PDE4D: variants seen among roughly 807,000 people sequenced by gnomAD.
PDE4D encodes 3',5'-cyclic-AMP phosphodiesterase 4D.
PDE4D carries 24 observed loss-of-function variants against 87.4 expected under a neutral mutation model. The observed-to-expected ratio is 0.27, with a 90% CI of 0.20 to 0.39. The LOEUF (loss-of-function observed/expected upper bound fraction) is 0.39, where lower values mean the gene tolerates loss of function less well. Ranked by LOEUF, PDE4D falls within the 10% of genes least tolerant of loss-of-function variation. PDE4D has a pLI of 1.00. For missense variants in PDE4D, 714 were observed against 1,041.0 expected (o/e 0.69, Z 4.32); for synonymous variants, 384 against 383.2 (o/e 1.00, Z -0.02).
chr5:59,161,484 A>G (rs1781087861), intron 5 of PDE4D, among the ~76,000 whole-genome samples: 1 of 152,180 alleles, frequency 6.6e-6, no homozygotes, highest in Admixed American at 6.5e-5. Flanking sequence ...TGTGGAGACC[A>G]AAGGTTTATT....
intron 1 of PDE4D, among the ~76,000 whole-genome samples, chr5:59,825,323 A>G (rs573247420): frequency 1.3e-5 from 2 of 152,368 alleles, no homozygotes; most frequent in African/African-American, 4.8e-5. Flanking sequence ...CTGAAGAACC[A>G]TCTCAGAGTT....
At chr5:59,724,065 AT>A (rs1190638255) in intron 1 of PDE4D, among the ~76,000 whole-genome samples, 11 of 152,092 alleles carry the variant, frequency 7.2e-5, no homozygotes, top group Admixed American at 7.2e-4. Context: ...AAATTGAGGG[AT>A]TGAGGGATGG....
intron 1 of PDE4D, among the ~76,000 whole-genome samples, chr5:60,442,358 C>T (rs191816017): frequency 5.7e-4 from 86 of 152,106 alleles, no homozygotes; most frequent in African/African-American, 2.0e-3. Flanking sequence ...CCAAACACCA[C>T]GTGTTTTCAC....
rs561481970 is a variant in PDE4D, at chr5:59,339,106, T to C, written c.456-123138A>G. 4.9e-4 allele frequency among the ~76,000 whole-genome samples: 74 copies of C among 152,300 alleles called. No homozygotes were observed. In the South Asian group the frequency reaches 8.9e-3, roughly 18 times the overall value. On this transcript the variant is annotated intron_variant, in intron 1 of 14. Coordinates refer to ENST00000340635, the MANE Select transcript of PDE4D (RefSeq NM_001104631.2). ...TAGAAGCCAAGCCCTACCTTTGTCC[T>C]ACACAAAAAGAGACCTAGACTGTGA...
rs141883373 is a variant in PDE4D at position 59,206,170 on chromosome 5, C to T, written c.647+9607G>A. Among the ~76,000 whole-genome samples, 307 of 152,216 alleles carry T rather than the reference C, an allele frequency of 2.0e-3. 1 individual carries two copies. The highest frequency in any genetic ancestry group is 7.1e-3 in the African/African-American group (294 of 41,536). ...CCTAGGAGATGCTGCAGTAGGCAGACGGAATAATTGGGGTTGTTTCCTCTG... is the reference window on the plus strand; with the variant it reads ...CCTAGGAGATGCTGCAGTAGGCAGATGGAATAATTGGGGTTGTTTCCTCTG... On this transcript the variant is annotated intron_variant, in intron 2 of 14. Coordinates refer to ENST00000340635, the MANE Select transcript of PDE4D (RefSeq NM_001104631.2).
chr5:59,627,231 T>C (rs117675215), intron 1 of PDE4D, among the ~76,000 whole-genome samples: 1 of 152,202 alleles, frequency 6.6e-6, no homozygotes, highest in Non-Finnish European at 1.5e-5. Context: ...TGGATGGTGA[T>C]AAGTTTGAAG....
intron 1 of PDE4D, among the ~76,000 whole-genome samples, chr5:59,280,167 T>C (rs2153547045): frequency 6.6e-6 from 1 of 152,188 alleles, no homozygotes; most frequent in Non-Finnish European, 1.5e-5. Flanking sequence ...TCTTTGACCA[T>C]CTCACAACAT....
chr5:60,022,661 T>C (rs558333494), intron 2 of PDE4D: 1 of 152,392 alleles, frequency 6.6e-6, no homozygotes, highest in South Asian at 2.1e-4. Flanking sequence ...CAGATACAGC[T>C]GCGAAGCCTC....
chr5:60,356,180 A>G (rs1463421887), intron 1 of PDE4D, among the ~76,000 whole-genome samples: 1 of 152,118 alleles, frequency 6.6e-6, no homozygotes, highest in East Asian at 1.9e-4. Flanking sequence ...CTGCCCTTTT[A>G]TCAATCCCCA....
At chr5:59,206,388 C>T (rs1394058519) in intron 2 of PDE4D, among the ~76,000 whole-genome samples, 1 of 152,160 alleles carries the variant, frequency 6.6e-6, no homozygotes, top group Non-Finnish European at 1.5e-5. Flanking sequence ...GTAATACTCC[C>T]TGGAATATCT....
intron 5 of PDE4D, among the ~76,000 whole-genome samples, chr5:59,068,319 A>G (rs1479861314): frequency 3.9e-5 from 6 of 152,192 alleles, no homozygotes; most frequent in Non-Finnish European, 7.4e-5. Flanking sequence ...TGAGACACTA[A>G]AACTTTTTTT....
intron 3 of PDE4D, among the ~76,000 whole-genome samples, chr5:59,910,559 A>G (rs1207966182): frequency 1.3e-5 from 2 of 152,210 alleles, no homozygotes; most frequent in Non-Finnish European, 2.9e-5. Context: ...TGTTGTATGA[A>G]AATCTTGTTG....
At chr5:60,148,413 TAGC>T (rs1781208737) in intron 2 of PDE4D, among the ~76,000 whole-genome samples, 1 of 152,220 alleles carries the variant, frequency 6.6e-6, no homozygotes, top group African/African-American at 2.4e-5. Flanking sequence ...TATTAGTTAT[TAGC>T]AGTATTCTAG....
intron 1 of PDE4D, among the ~76,000 whole-genome samples, chr5:59,615,877 CTATT>C (rs1829602094): frequency 6.6e-6 from 1 of 152,042 alleles, no homozygotes; most frequent in African/African-American, 2.4e-5. Flanking sequence ...AGTTTTCTAT[CTATT>C]TAGTGAATTA....
intron 5 of PDE4D, among the ~76,000 whole-genome samples, chr5:59,146,175 T>G (rs1471239815): frequency 6.6e-6 from 1 of 152,192 alleles, no homozygotes; most frequent in Non-Finnish European, 1.5e-5. Flanking sequence ...TATCTTGTTC[T>G]TATTCTTTTT....
intron 1 of PDE4D, among the ~76,000 whole-genome samples, chr5:59,698,068 T>C (rs1392428925): frequency 1.3e-5 from 2 of 152,116 alleles, no homozygotes; most frequent in African/African-American, 4.8e-5. Flanking sequence ...ATATGGCAAA[T>C]GTTACAAAAA....
At chr5:59,769,365 C>T (rs931267088) in intron 1 of PDE4D, among the ~76,000 whole-genome samples, 7 of 152,174 alleles carry the variant, frequency 4.6e-5, no homozygotes, top group Admixed American at 2.0e-4. Context: ...TTTCTCTTTG[C>T]ATTTAAACTA....
chr5:60,416,313 T>C (rs988693748), intron 1 of PDE4D, among the ~76,000 whole-genome samples: 1 of 152,224 alleles, frequency 6.6e-6, no homozygotes, highest in African/African-American at 2.4e-5. Flanking sequence ...GAGCCACCAG[T>C]GGCAACCTGC....
intron 1 of PDE4D, among the ~76,000 whole-genome samples, chr5:59,233,700 T>C (rs1371204742): frequency 2.0e-5 from 3 of 152,106 alleles, no homozygotes; most frequent in African/African-American, 7.2e-5. Context: ...TTTCTCTGAG[T>C]TTCAGTGTAT....
Sources: allele counts gnomAD v4.1 joint callset (sites outside exome capture counted in the v4.1 genomes callset), GRCh38; gene constraint gnomAD v4.1.1; transcripts MANE v1.5; gene names NCBI Gene and HGNC (gene_info 2026-07-23, HGNC 2026-07-21).